CDC42BPB: variants seen among roughly 807,000 people sequenced by gnomAD.
CDC42BPB encodes serine/threonine-protein kinase MRCK beta.
A neutral mutation model predicts 214.9 loss-of-function variants in CDC42BPB; 37 were observed. That is an observed-to-expected ratio of 0.17 (90% CI 0.13 to 0.23). CDC42BPB has a LOEUF of 0.23. Ranked by LOEUF, CDC42BPB falls within the 10% of genes least tolerant of loss-of-function variation. CDC42BPB has a pLI of 1.00. For synonymous variants in CDC42BPB, 931 were observed against 884.0 expected (o/e 1.05, Z -0.94); for missense variants, 1,694 against 2,227.0 (o/e 0.76, Z 4.82).
At chr14:103,037,740 A>G (rs2139731984) in intron 1 of CDC42BPB, among the ~76,000 whole-genome samples, 1 of 152,264 alleles carries the variant, frequency 6.6e-6, no homozygotes, top group East Asian at 1.9e-4. Flanking sequence ...GAGTTTTTAA[A>G]GAATTTTAGG....
chr14:102,954,846 CA>C, intron 21 of CDC42BPB, 158 bp from the exon 22 acceptor site: 1 of 983,264 alleles, frequency 1.0e-6, no homozygotes, highest in Non-Finnish European at 1.2e-6. Flanking sequence ...GGTCTCCTCA[CA>C]GACCCCTGCT....
intron 1 of CDC42BPB, among the ~76,000 whole-genome samples, chr14:103,036,756 A>C (rs911989068): frequency 6.6e-6 from 1 of 152,250 alleles, no homozygotes; most frequent in Admixed American, 6.5e-5. Context: ...CTAAAATCAC[A>C]GTTCTGATAC....
At chr14:102,934,712 C>T (rs2139328762) in intron 36 of CDC42BPB, among the ~76,000 whole-genome samples, 1 of 152,084 alleles carries the variant, frequency 6.6e-6, no homozygotes. Flanking sequence ...ACAAAATTTT[C>T]CCCTAAGATC....
intron 28 of CDC42BPB, among the ~76,000 whole-genome samples, chr14:102,946,135 A>C (rs533885266): frequency 1.3e-5 from 2 of 151,894 alleles, no homozygotes; most frequent in South Asian, 2.1e-4. Context: ...CAGTCTCCCA[A>C]GTAGCTGGGA....
intron 30 of CDC42BPB, chr14:102,941,468 T>G: frequency 1.0e-6 from 1 of 985,458 alleles, no homozygotes; most frequent in Non-Finnish European, 1.2e-6. Context: ...GTCACCAAAC[T>G]GTCTCAGAAG....
At chr14:102,934,892 C>G (rs1891575920) in intron 36 of CDC42BPB, among the ~76,000 whole-genome samples, 1 of 151,722 alleles carries the variant, frequency 6.6e-6, no homozygotes, top group Non-Finnish European at 1.5e-5. Flanking sequence ...CACCTGTAGT[C>G]CCAGCTACTC....
At chr14:102,959,547 C>A in intron 21 of CDC42BPB, 84 bp downstream of exon 21, 2 of 908,522 alleles carry the variant, frequency 2.2e-6, no homozygotes, top group South Asian at 1.6e-5. Context: ...TGTTTGTGGC[C>A]CCATGAGTGG....
At position 102,946,704 on chromosome 14, in the gene CDC42BPB, A is replaced by G. The variant is rs1892194601; in HGVS notation, c.3532-20T>C. 6.2e-7 allele frequency: 1 copy of G among 1,610,590 alleles called. No individual in the cohort carries two copies. Among genetic ancestry groups the G allele is most frequent in the Non-Finnish European group, 8.5e-7 (1 of 1,178,508 alleles). ...CGTCACCTTCATGACAGGAAACAGA[A>G]GAGAAGAGAGAAGTCATCAAACGCC... On this transcript the variant is annotated intron_variant, in intron 27 of 36. Coordinates refer to ENST00000361246, the MANE Select transcript of CDC42BPB (RefSeq NM_006035.4).
At chr14:102,977,293 C>T (rs1409209555) in intron 9 of CDC42BPB, among the ~76,000 whole-genome samples, 3 of 137,796 alleles carry the variant, frequency 2.2e-5, no homozygotes, top group Admixed American at 1.7e-4. Context: ...AAGCTGAGAT[C>T]GTGCCTCTGC....
intron 1 of CDC42BPB, among the ~76,000 whole-genome samples, chr14:103,046,271 C>A (rs185072843): frequency 1.1e-3 from 170 of 152,130 alleles, no homozygotes; most frequent in African/African-American, 3.8e-3. Flanking sequence ...ACTTACAGCC[C>A]CAAAATAAAG....
At chr14:102,988,954 A>C (rs1178006089) in intron 5 of CDC42BPB, among the ~76,000 whole-genome samples, 2 of 152,140 alleles carry the variant, frequency 1.3e-5, no homozygotes, top group African/African-American at 4.8e-5. Context: ...TATGTACAAA[A>C]ATGTTTAAAA....
chr14:102,970,269 A>C lies in CDC42BPB; in HGVS notation c.1885-8T>G. ...ATCAAGCTGAGCTTCCAGCTACAAA[A>C]GGAAGATCCAGTTTCTATTAACAAA... On this transcript the variant is annotated splice_polypyrimidine_tract_variant and splice_region_variant and intron_variant, in intron 13 of 36. Coordinates refer to ENST00000361246, the MANE Select transcript of CDC42BPB (RefSeq NM_006035.4). 1 of 1,607,132 alleles carries C rather than the reference A, an allele frequency of 6.2e-7. No homozygotes were observed. The highest frequency in any genetic ancestry group is 8.5e-7 in the Non-Finnish European group (1 of 1,176,470).
At chr14:103,003,007 G>A (rs962711019) in intron 4 of CDC42BPB, among the ~76,000 whole-genome samples, 3 of 152,168 alleles carry the variant, frequency 2.0e-5, no homozygotes, top group African/African-American at 7.2e-5. Context: ...GTGAACCAAT[G>A]GAGCGCACAA....
intron 4 of CDC42BPB, among the ~76,000 whole-genome samples, chr14:103,002,464 T>A (rs764530024): frequency 6.6e-5 from 10 of 152,142 alleles, no homozygotes; most frequent in Non-Finnish European, 1.3e-4. Flanking sequence ...TAAAAAAATA[T>A]TAGAAACAAA....
intron 20 of CDC42BPB, among the ~76,000 whole-genome samples, chr14:102,962,212 C>A (rs559941500): frequency 6.6e-6 from 1 of 152,204 alleles, no homozygotes; most frequent in African/African-American, 2.4e-5. Flanking sequence ...GTGGGAGGAA[C>A]GTCACTGCAC....
chr14:102,953,998 G>T (rs1892605561), intron 23 of CDC42BPB, among the ~76,000 whole-genome samples, 200 bp downstream of exon 23: 1 of 152,212 alleles, frequency 6.6e-6, no homozygotes, highest in South Asian at 2.1e-4. Flanking sequence ...GTATCATTAA[G>T]AAAACACAGG....
At chr14:102,978,309 C>T (rs1893849044) in intron 8 of CDC42BPB, 104 bp from the exon 9 acceptor site, 3 of 1,552,834 alleles carry the variant, frequency 1.9e-6, no homozygotes, top group African/African-American at 2.7e-5. Flanking sequence ...CTGGGCAGAA[C>T]ATGTGGCCTT....
At chr14:102,940,454 C>T in intron 30 of CDC42BPB, 130 bp from the exon 31 acceptor site, 1 of 1,482,230 alleles carries the variant, frequency 6.7e-7, no homozygotes, top group Non-Finnish European at 9.0e-7. Context: ...TGGTTCACGT[C>T]ACCAAAGACT....
intron 5 of CDC42BPB, chr14:102,986,841 G>T: frequency 2.0e-6 from 1 of 501,262 alleles, no homozygotes; most frequent in Non-Finnish European, 2.6e-6. Context: ...CAGCTAACGA[G>T]CCCCTCCTGA....
Sources: allele counts gnomAD v4.1 joint callset (sites outside exome capture counted in the v4.1 genomes callset), GRCh38; gene constraint gnomAD v4.1.1; transcripts MANE v1.5; gene names NCBI Gene and HGNC (gene_info 2026-07-23, HGNC 2026-07-21).